The following BEND6 variants were observed in gnomAD, a reference collection of about 807,000 sequenced individuals.
BEND6 encodes the protein BEN domain-containing protein 6.
In BEND6, 24 loss-of-function variants were observed where a neutral mutation model predicts 31.8. The observed-to-expected ratio is 0.75, with a 90% CI of 0.55 to 1.06. BEND6 has a LOEUF of 1.06. BEND6 is among the 50% of genes least tolerant of loss of function. BEND6 has a pLI of 0.00. For synonymous variants in BEND6, 109 were observed against 114.6 expected, an observed-to-expected ratio of 0.95 and a Z score of 0.31; for missense variants, 294 against 327.4, an observed-to-expected ratio of 0.90 and a Z score of 0.79.
At chr6:57,014,606 G>T (rs1055686871) in intron 3 of BEND6, 15 of 1,046,812 alleles carry the variant, frequency 1.4e-5, no homozygotes, top group Non-Finnish European at 2.0e-5. Context: ...CACAACACAG[G>T]TTTGAATTGT....
At chr6:57,023,274 TTAA>T (rs1363761858) in intron 6 of BEND6, among the ~76,000 whole-genome samples, 1 of 152,206 alleles carries the variant, frequency 6.6e-6, no homozygotes, top group Admixed American at 6.5e-5. Flanking sequence ...TTTAGATCTA[TTAA>T]TGTTTGCTTT....
intron 1 of BEND6, among the ~76,000 whole-genome samples, chr6:56,981,292 G>C (rs1306651715): frequency 6.6e-6 from 1 of 152,040 alleles, no homozygotes; most frequent in Non-Finnish European, 1.5e-5. Flanking sequence ...AATTCTTACT[G>C]ATTTCCCTGG....
At chr6:56,956,276 A>T (rs1325227673) in intron 1 of BEND6, among the ~76,000 whole-genome samples, 1 of 152,274 alleles carries the variant, frequency 6.6e-6, no homozygotes, top group African/African-American at 2.4e-5. Context: ...ATTGTGTCAT[A>T]AAAATTTATA....
At chr6:56,972,398 G>T (rs891735251) in intron 1 of BEND6, among the ~76,000 whole-genome samples, 3 of 151,868 alleles carry the variant, frequency 2.0e-5, no homozygotes, top group Non-Finnish European at 4.4e-5. Flanking sequence ...CCCAGCCACC[G>T]CATGTTTCCT....
At chr6:56,973,781 G>T (rs1176233350) in intron 1 of BEND6, among the ~76,000 whole-genome samples, 1 of 152,094 alleles carries the variant, frequency 6.6e-6, no homozygotes, top group Non-Finnish European at 1.5e-5. Context: ...TTGAGACAGG[G>T]TCTCATTCTG....
chr6:57,012,549 G>T (rs1472591040), intron 3 of BEND6, among the ~76,000 whole-genome samples: 1 of 152,120 alleles, frequency 6.6e-6, no homozygotes, highest in Non-Finnish European at 1.5e-5. Context: ...TTTCTGCTCA[G>T]ACTTCATGTA....
rs1394411228 is a variant in BEND6, at chr6:57,017,197, A to G, written c.520-10A>G. ...CTTTTTCCAACTTCAACTCTTTCTT[A>G]TCTTTTTAGTTCCAGATTGAAAAAT... is the stretch of plus-strand genomic sequence containing the variant. On this transcript the variant is annotated splice_polypyrimidine_tract_variant and intron_variant, in intron 4 of 6. Coordinates refer to ENST00000370746, the MANE Select transcript of BEND6 (RefSeq NM_152731.3). 1 of 1,566,796 alleles carries G rather than the reference A, an allele frequency of 6.4e-7. No individual in the cohort carries two copies. The highest frequency in any genetic ancestry group is 8.6e-7 in the Non-Finnish European group (1 of 1,158,448).
chr6:56,979,764 A>G (rs1339557392), intron 1 of BEND6, among the ~76,000 whole-genome samples: 1 of 152,216 alleles, frequency 6.6e-6, no homozygotes, highest in Non-Finnish European at 1.5e-5. Flanking sequence ...CATTTGGCCT[A>G]TTGGCTTGCA....
intron 3 of BEND6, among the ~76,000 whole-genome samples, chr6:56,999,896 G>A (rs990556231): frequency 3.9e-5 from 6 of 152,192 alleles, no homozygotes; most frequent in East Asian, 1.9e-4. Flanking sequence ...TGTGAGGAGC[G>A]CCTCTGCCCA....
chr6:57,022,598 T>A (rs1827785272), intron 6 of BEND6, among the ~76,000 whole-genome samples: 1 of 152,116 alleles, frequency 6.6e-6, no homozygotes, highest in African/African-American at 2.4e-5. Context: ...GATCTGGTTT[T>A]TTAAATCTCC....
chr6:57,025,842 T>A (rs1407882726), intron 6 of BEND6, among the ~76,000 whole-genome samples: 10 of 152,142 alleles, frequency 6.6e-5, no homozygotes, highest in Non-Finnish European at 2.9e-5. Flanking sequence ...ATCCTCTTAC[T>A]TGAGTTCTGG....
chr6:56,956,465 G>T (rs1001019754), intron 1 of BEND6, among the ~76,000 whole-genome samples: 1 of 152,156 alleles, frequency 6.6e-6, no homozygotes, highest in Non-Finnish European at 1.5e-5. Context: ...AACCTAAAAA[G>T]GCATTGGTTA....
At chr6:57,007,665 T>C in intron 3 of BEND6, among the ~76,000 whole-genome samples, 1 of 152,040 alleles carries the variant, frequency 6.6e-6, no homozygotes. Flanking sequence ...TATGGTGTCT[T>C]ATGCCTGTAA....
chr6:57,004,434 T>TA (rs1827073664), intron 3 of BEND6: 26 of 579,872 alleles, frequency 4.5e-5, no homozygotes, highest in Non-Finnish European at 7.9e-5. Context: ...CCACCCCAGC[T>TA]GGCTGCCCAT....
chr6:56,998,976 G>A (rs761988893), intron 3 of BEND6, among the ~76,000 whole-genome samples: 4 of 152,194 alleles, frequency 2.6e-5, no homozygotes, highest in Admixed American at 6.5e-5. Flanking sequence ...AAAAATGGGC[G>A]AGAAAATTGC....
At chr6:56,979,869 G>T (rs2127851096) in intron 1 of BEND6, among the ~76,000 whole-genome samples, 1 of 152,304 alleles carries the variant, frequency 6.6e-6, no homozygotes, top group East Asian at 1.9e-4. Flanking sequence ...AGGACAGTTT[G>T]TATCTATGGA....
chr6:57,010,348 TTGTAA>T (rs1287335226), intron 3 of BEND6: 2 of 152,234 alleles, frequency 1.3e-5, no homozygotes, highest in African/African-American at 4.8e-5. Flanking sequence ...CAGCAACCAG[TTGTAA>T]TGTATAGTCC....
rs1826538450 is a variant in BEND6, at chr6:56,992,414, G to A, written c.157G>A (p.Glu53Lys). Residue 53 changes from glutamate (E) to lysine (K), a missense_variant, in exon 3 of 7, where the codon GAA becomes AAA. Transcript: ENST00000370746. ...PYSGNAFLPG[E>K]SSSEDEEPLA... ...TTCGGGAAATGCCTTTCTGCCTGGT[G>A]AAAGCTCCAGTGAGGATGAAGAGCC... 1 of 1,612,378 alleles carries A rather than the reference G, an allele frequency of 6.2e-7. No individual in the cohort carries two copies. Among genetic ancestry groups the A allele is most frequent in the African/African-American group, 1.3e-5 (1 of 74,846 alleles).
chr6:57,008,750 A>AG (rs1207115496), intron 3 of BEND6: 2 of 152,760 alleles, frequency 1.3e-5, no homozygotes, highest in Non-Finnish European at 2.9e-5. Context: ...ATTATCAAAA[A>AG]GACAAAAACA....
Sources: allele counts gnomAD v4.1 joint callset (sites outside exome capture counted in the v4.1 genomes callset), GRCh38; gene constraint gnomAD v4.1.1; transcripts MANE v1.5; gene names NCBI Gene and HGNC (gene_info 2026-07-23, HGNC 2026-07-21).